HOOK3: variants seen among roughly 807,000 people sequenced by gnomAD.
The protein encoded by HOOK3 is protein Hook homolog 3.
In HOOK3, 24 loss-of-function variants were observed where a neutral mutation model predicts 116.3. The ratio of observed to expected loss-of-function variants is 0.21; its 90% CI spans 0.15 to 0.29. HOOK3 has a LOEUF of 0.29. Among genes scored for constraint, HOOK3 ranks in the 10% least tolerant of loss-of-function variants. HOOK3 has a pLI of 1.00. For synonymous variants in HOOK3, 275 were observed against 283.0 expected (o/e 0.97, Z 0.28); for missense variants, 632 against 830.2 (o/e 0.76, Z 2.93).
chr8:42,962,796 C>CTTTT (rs34722373), intron 8 of HOOK3, among the ~76,000 whole-genome samples: 95 of 99,308 alleles, frequency 9.6e-4, no homozygotes, highest in Non-Finnish European at 1.2e-3. Context: ...ACTTCTTCTT[C>CTTTT]TTTTTTTTTT....
chr8:42,906,629 C>A (rs901919971), intron 2 of HOOK3, among the ~76,000 whole-genome samples: 3 of 152,232 alleles, frequency 2.0e-5, no homozygotes, highest in South Asian at 2.1e-4. Flanking sequence ...CCTGAGTACC[C>A]ATATAAAATA....
intron 14 of HOOK3, among the ~76,000 whole-genome samples, chr8:42,985,480 T>A (rs936556983): frequency 2.6e-5 from 4 of 152,244 alleles, no homozygotes; most frequent in African/African-American, 9.6e-5. Context: ...GAAAAATGTT[T>A]GCATGTGAGT....
chr8:42,929,594 T>C (rs1807836632), intron 3 of HOOK3, among the ~76,000 whole-genome samples: 1 of 152,244 alleles, frequency 6.6e-6, no homozygotes, highest in South Asian at 2.1e-4. Flanking sequence ...TCATAAATAC[T>C]TACTTTGATG....
intron 4 of HOOK3, among the ~76,000 whole-genome samples, chr8:42,937,037 G>T (rs930668521): frequency 6.6e-6 from 1 of 152,040 alleles, no homozygotes. Flanking sequence ...TTTTTGGTTG[G>T]TAAGGTATTA....
chr8:43,003,151 T>A (rs142255870), intron 17 of HOOK3, among the ~76,000 whole-genome samples: 1 of 152,324 alleles, frequency 6.6e-6, no homozygotes, highest in East Asian at 1.9e-4. Context: ...GTTAAAGTGT[T>A]ACAACTTTAC....
At position 43,023,649 on chromosome 8, in the gene HOOK3, C is replaced by T. The variant is rs1027115192; in HGVS notation, c.*5151C>T. Reference sequence around the variant, plus strand: ...TGTATTTTTACAAAATACAAAGAGACGGGGTTTCACCATGTTGGCCAGGCT... The same window carrying T: ...TGTATTTTTACAAAATACAAAGAGATGGGGTTTCACCATGTTGGCCAGGCT... On this transcript the variant is annotated 3_prime_UTR_variant, in exon 22 of 22. Coordinates refer to ENST00000307602, the MANE Select transcript of HOOK3 (RefSeq NM_032410.4). 4.0e-5 allele frequency: 7 copies of T among 174,490 alleles called. No homozygotes were observed. Among genetic ancestry groups the T allele is most frequent in the Middle Eastern group, 2.1e-3 (1 of 472 alleles). The allele number at this position is 174,490 out of a possible 1,614,324, so 10.8% of individuals were successfully genotyped here.
chr8:43,007,181 C>T (rs751990051), intron 17 of HOOK3, among the ~76,000 whole-genome samples: 1 of 152,038 alleles, frequency 6.6e-6, no homozygotes, highest in Non-Finnish European at 1.5e-5. Flanking sequence ...CCACACCCGG[C>T]TAATTTTTCT....
chr8:42,934,636 T>C (rs1807932141), intron 4 of HOOK3, among the ~76,000 whole-genome samples: 1 of 150,830 alleles, frequency 6.6e-6, no homozygotes. Context: ...AGTGAGAACA[T>C]GCGGTGTTTG....
At chr8:42,966,309 T>C (rs1808632441) in intron 9 of HOOK3, among the ~76,000 whole-genome samples, 164 bp from the exon 10 acceptor site, 1 of 152,196 alleles carries the variant, frequency 6.6e-6, no homozygotes, top group African/African-American at 2.4e-5. Context: ...GTGGAGTTCA[T>C]TTTTATGACA....
At chr8:43,001,766 A>G (rs147860574) in intron 16 of HOOK3, among the ~76,000 whole-genome samples, 178 of 152,290 alleles carry the variant, frequency 1.2e-3, no homozygotes, top group African/African-American at 3.9e-3. Flanking sequence ...AAGGAAGTCT[A>G]TTATTACTAG....
At chr8:42,960,087 A>G (rs1161162029) in intron 8 of HOOK3, among the ~76,000 whole-genome samples, 1 of 152,262 alleles carries the variant, frequency 6.6e-6, no homozygotes, top group Non-Finnish European at 1.5e-5. Flanking sequence ...TTTAGAATTT[A>G]TATACAAATG....
At chr8:42,954,848 A>G (rs1363055805) in intron 6 of HOOK3, among the ~76,000 whole-genome samples, 1 of 152,180 alleles carries the variant, frequency 6.6e-6, no homozygotes. Context: ...AACAGAAATG[A>G]AGAAAGGAAG....
chr8:43,015,153 CA>C, intron 21 of HOOK3, among the ~76,000 whole-genome samples: 1 of 151,966 alleles, frequency 6.6e-6, no homozygotes, highest in South Asian at 2.1e-4. Context: ...AAACAAAAAA[CA>C]AAAACTGCAT....
At chr8:42,905,248 A>G (rs1253243199) in intron 1 of HOOK3, among the ~76,000 whole-genome samples, 1 of 149,810 alleles carries the variant, frequency 6.7e-6, no homozygotes, top group Non-Finnish European at 1.5e-5. Flanking sequence ...GGGAGGCATC[A>G]AGATTTTTAA....
intron 6 of HOOK3, among the ~76,000 whole-genome samples, chr8:42,951,643 GA>G (rs1231311128): frequency 6.6e-6 from 1 of 151,950 alleles, no homozygotes; most frequent in East Asian, 1.9e-4. Context: ...ACCTAACATA[GA>G]AAAATACAGA....
Position 42,899,979 on chromosome 8 carries a change from G to T in HOOK3, c.57+2791G>T, listed in dbSNP as rs574581896. 5.9e-5 allele frequency among the ~76,000 whole-genome samples: 9 copies of T among 152,266 alleles called. No homozygotes were observed. The East Asian group carries it at 1.7e-3, about 29-fold the overall frequency. On this transcript the variant is annotated intron_variant, in intron 1 of 21. Transcript: ENST00000307602. ...TTTAGAAATTATTCCACTAGAAATGGCTAAAGTAATAAAAGCTCAAGTACT... is the reference window on the plus strand; with the variant it reads ...TTTAGAAATTATTCCACTAGAAATGTCTAAAGTAATAAAAGCTCAAGTACT...
chr8:42,964,850 T>C (rs754486774), intron 9 of HOOK3, among the ~76,000 whole-genome samples: 39 of 147,754 alleles, frequency 2.6e-4, no homozygotes, highest in Admixed American at 1.1e-3. Flanking sequence ...AAAAAAAAAA[T>C]ATAATGTTAG....
chr8:43,009,585 C>T (rs1311949771), intron 18 of HOOK3, among the ~76,000 whole-genome samples: 2 of 152,018 alleles, frequency 1.3e-5, no homozygotes, highest in African/African-American at 4.8e-5. Context: ...AATATTTACT[C>T]CTGTAGGTAG....
At chr8:42,899,358 T>G (rs1419107113) in intron 1 of HOOK3, among the ~76,000 whole-genome samples, 1 of 152,236 alleles carries the variant, frequency 6.6e-6, no homozygotes, top group Non-Finnish European at 1.5e-5. Flanking sequence ...AATGAGAATT[T>G]CTGGATAAGA....
Sources: allele counts gnomAD v4.1 joint callset (sites outside exome capture counted in the v4.1 genomes callset), GRCh38; gene constraint gnomAD v4.1.1; transcripts MANE v1.5; gene names NCBI Gene and HGNC (gene_info 2026-07-23, HGNC 2026-07-21).